The following MUC12 variants were observed in gnomAD, a reference collection of about 807,000 sequenced individuals.
MUC12 encodes the protein mucin 12, cell surface associated, also known as mucin-12.
A neutral mutation model predicts 230.8 loss-of-function variants in MUC12; 172 were observed. The ratio of observed to expected loss-of-function variants is 0.75; its 90% CI spans 0.66 to 0.85. The LOEUF (loss-of-function observed/expected upper bound fraction) is 0.85. MUC12 is among the 40% of genes least tolerant of loss of function. The pLI is 0.00. For missense variants in MUC12, 3,506 were observed against 5,920.6 expected (o/e 0.59, Z 13.38); for synonymous variants, 1,259 against 2,401.9 (o/e 0.52, Z 13.91).
At position 100,969,584 on chromosome 7, in the gene MUC12, TGA is replaced by T; in HGVS notation, c.-34_-33del. On this transcript the variant is annotated 5_prime_UTR_variant, in exon 1 of 12. Coordinates refer to ENST00000536621, the MANE Select transcript of MUC12 (RefSeq NM_001164462.2). ...GCCTTCATTTCTTGGTCCCTCCTGATGAGAGAAGATGGGCAGCCAGGGGCCCG... is the reference window on the plus strand; with the variant it reads ...GCCTTCATTTCTTGGTCCCTCCTGATGAGAAGATGGGCAGCCAGGGGCCCG... 6.5e-7 allele frequency: 1 copy of T among 1,536,290 alleles called. No homozygotes were observed. The highest frequency in any genetic ancestry group is 2.0e-5 in the Admixed American group (1 of 51,004).
chr7:101,015,572 C>T (rs1793903325), intron 9 of MUC12, 43 bp from the exon 10 acceptor site: 2 of 1,520,958 alleles, frequency 1.3e-6, no homozygotes, highest in Non-Finnish European at 1.8e-6. Context: ...AGTCCCTCCT[C>T]AGCCTCCTTG....
Position 101,004,636 on chromosome 7 carries a change from T to A in MUC12, c.14073T>A (p.Asp4691Glu). The A allele has an allele frequency of 8.5e-6, 13 of 1,537,218 alleles. No homozygotes were observed. The highest frequency in any genetic ancestry group is 1.1e-5 in the Non-Finnish European group (13 of 1,146,592). Residue 4691 changes from aspartate to glutamate, a missense_variant, in exon 2 of 12, where the codon GAT (aspartate) becomes GAA (glutamate). Physicochemically the swap from Asp to Glu is conservative, Grantham distance 45 (BLOSUM62 2). Coordinates refer to ENST00000536621, the MANE Select transcript of MUC12 (RefSeq NM_001164462.2). Reference sequence around the variant, plus strand: ...CAACAGCATCCCACAGCAGCCCAGATACAAATGGAATCACACCCTTACCTG... The same window carrying A: ...CAACAGCATCCCACAGCAGCCCAGAAACAAATGGAATCACACCCTTACCTG... ...EESTASHSSPDTNGITPLPAH... is the reference protein window; with the variant it reads ...EESTASHSSPETNGITPLPAH...
In MUC12 at chr7:101,013,913, G is replaced by A; in HGVS notation, c.15639G>A (p.Leu5213=). The A allele has an allele frequency of 1.3e-6, 2 of 1,533,870 alleles. No homozygotes were observed. Among genetic ancestry groups the A allele is most frequent in the Non-Finnish European group, 8.7e-7 (1 of 1,144,970 alleles). Residue 5213 remains leucine, a splice_region_variant and synonymous_variant, in exon 9 of 12, where the codon CTG becomes CTA. Coordinates refer to ENST00000536621, the MANE Select transcript of MUC12 (RefSeq NM_001164462.2). ...CQLQRSGPRC[L]CPNTNTHWYW... ...AGCGTGAGCTTGTCTGTGTCCCCAG[G>A]TGCCCAAATACGAACACACACTGGT... is the stretch of plus-strand genomic sequence containing the variant.
intron 1 of MUC12, among the ~76,000 whole-genome samples, chr7:100,980,392 T>C (rs1474017971): frequency 6.6e-6 from 1 of 152,152 alleles, no homozygotes; most frequent in African/African-American, 2.4e-5. Flanking sequence ...TGTTAACATT[T>C]TATTTCTATG....
Position 101,004,534 on chromosome 7 carries a change from C to G in MUC12, c.13971C>G (p.Ser4657Arg), listed in dbSNP as rs946509661. The G allele has an allele frequency of 2.9e-5, 45 of 1,535,596 alleles. No homozygotes were observed. The highest frequency in any genetic ancestry group is 3.8e-5 in the Non-Finnish European group (44 of 1,146,488). Reference protein sequence around the residue: ...TTSALVEEPTSYHSSPGSIAT... With the variant: ...TTSALVEEPTRYHSSPGSIAT... ...CTGCCCTTGTTGAAGAACCTACCAG[C>G]TACCACAGCAGCCCGGGCTCAATTG... The change falls in exon 2 of 12, where the codon AGC (serine) becomes AGG (arginine). Residue 4657 changes from serine (S) to arginine (R), a missense_variant. Transcript: ENST00000536621.
chr7:100,983,732 C>T (rs1793144631), intron 1 of MUC12, among the ~76,000 whole-genome samples: 1 of 152,130 alleles, frequency 6.6e-6, no homozygotes, highest in South Asian at 2.1e-4. Context: ...TGCCAGCTCT[C>T]CCCACCCCTG....
rs901331725 is a variant in MUC12, at chr7:101,012,884, T to A, written c.15469T>A (p.Phe5157Ile). ...VDSSVTPGFD[F>I]QEQCTQKAAE... ...TTCATCGGTGACTCCGGGCTTTGAC[T>A]TCCAGGGTAAGCGACTACGTGGAGC... The change falls in exon 7 of 12, where the codon TTC becomes ATC. Residue 5157 changes from phenylalanine (F) to isoleucine (I), a missense_variant. Transcript: ENST00000536621. 30 of 1,537,146 alleles carry A rather than the reference T, an allele frequency of 2.0e-5. No individual in the cohort carries two copies. Among genetic ancestry groups the A allele is most frequent in the Admixed American group, 5.9e-5 (3 of 50,980 alleles).
rs1793859431 is a variant in MUC12, at chr7:101,012,924, TG to T, written c.15475+39del. 3 of 1,536,884 alleles carry T rather than the reference TG, an allele frequency of 2.0e-6. No individual in the cohort carries two copies. In the East Asian group the frequency reaches 7.3e-5, roughly 38 times the overall value. On this transcript the variant is annotated intron_variant, in intron 7 of 11. Coordinates refer to ENST00000536621, the MANE Select transcript of MUC12 (RefSeq NM_001164462.2). ...CTACGTGGAGCGTGGGCACTAAGAG[TG>T]GGGGCTGGGATGCTTTGGCCAGGCT...
intron 1 of MUC12, among the ~76,000 whole-genome samples, chr7:100,987,996 A>G (rs887771611): frequency 1.4e-5 from 2 of 146,668 alleles, no homozygotes; most frequent in Non-Finnish European, 3.0e-5. Flanking sequence ...AAAGAAAAGA[A>G]AAAAAAGAAG....
In MUC12 at chr7:100,995,474, C is replaced by T. The variant is rs1584835121; in HGVS notation, c.4911C>T (p.Ser1637=). Residue 1637 remains serine, a synonymous_variant, in exon 2 of 12, where the codon AGC becomes AGT. Transcript: ENST00000536621. ...SLGPESTTFH[S]SPGSTETTLL... is the part of the protein sequence containing the mutation. ...GTCCAGAATCTACTACTTTCCACAGCAGCCCAGGCTCCACTGAAACAACAC... is the reference window on the plus strand; with the variant it reads ...GTCCAGAATCTACTACTTTCCACAGTAGCCCAGGCTCCACTGAAACAACAC... 4 of 1,532,722 alleles carry T rather than the reference C, an allele frequency of 2.6e-6. No homozygotes were observed. Among genetic ancestry groups the T allele is most frequent in the African/African-American group, 1.4e-5 (1 of 70,332 alleles). 94.9% of individuals were successfully genotyped at this position (1,532,722 alleles called of 1,614,324 possible).
rs1487467234 is a variant in MUC12, at chr7:100,991,339, C to T, written c.776C>T (p.Pro259Leu). 2.0e-6 allele frequency: 3 copies of T among 1,537,682 alleles called. No homozygotes were observed. Among genetic ancestry groups the T allele is most frequent in the Non-Finnish European group, 2.6e-6 (3 of 1,147,038 alleles). The change falls in exon 2 of 12, where the codon CCA (proline) becomes CTA (leucine). Residue 259 changes from proline to leucine, a missense_variant. Transcript: ENST00000536621. Reference sequence around the variant, plus strand: ...CCCGTCCACAGCAGCACTGGATCGCCACACACAACACTGTCCCCTTCCAGC... The same window carrying T: ...CCCGTCCACAGCAGCACTGGATCGCTACACACAACACTGTCCCCTTCCAGC... ...STPVHSSTGS[P>L]HTTLSPSSST...
At chr7:100,985,198 G>A (rs577773056) in intron 1 of MUC12, among the ~76,000 whole-genome samples, 111 of 152,248 alleles carry the variant, frequency 7.3e-4, no homozygotes, top group African/African-American at 2.1e-3. Flanking sequence ...TGGTGGGTTG[G>A]GGGAGCCAGT....
chr7:100,982,673 C>G (rs1793127149), intron 1 of MUC12, among the ~76,000 whole-genome samples: 1 of 152,050 alleles, frequency 6.6e-6, no homozygotes, highest in Admixed American at 6.6e-5. Context: ...AAGTAGTCCT[C>G]CCCCCTTGGC....
chr7:101,004,827 C>G lies in MUC12; in HGVS notation c.14264C>G (p.Ala4755Gly). The part of the protein sequence containing the change: ...SRSPDQTLSP[A>G]SMTSSSISGE... The stretch of plus-strand genomic sequence containing the variant: ...TCACCAGACCAAACACTCTCACCTG[C>G]CAGCATGACAAGCTCCAGCATCAGT... The change falls in exon 2 of 12, where the codon GCC (alanine) becomes GGC (glycine). Residue 4755 changes from alanine to glycine, a missense_variant. Transcript: ENST00000536621. The G allele has an allele frequency of 2.0e-6, 3 of 1,537,158 alleles. No individual in the cohort carries two copies. The highest frequency in any genetic ancestry group is 2.6e-6 in the Non-Finnish European group (3 of 1,146,492).
At chr7:101,016,083 C>T (rs543619373) in intron 10 of MUC12, among the ~76,000 whole-genome samples, 4 of 152,214 alleles carry the variant, frequency 2.6e-5, no homozygotes, top group Admixed American at 2.6e-4. Flanking sequence ...AGGTGTGCTT[C>T]CTCCTTCAAC....
chr7:101,015,695 C>T lies in MUC12; in HGVS notation c.15877+4C>T, dbSNP rs1026950043. On this transcript the variant is annotated splice_donor_region_variant and intron_variant, in intron 10 of 11. Transcript: ENST00000536621. ...CAGAAGACGGCCATCTGGGAAGGTA[C>T]CTCTAGTTAAGGGCAAGGAGATGAG... is the stretch of plus-strand genomic sequence containing the variant. 6.5e-6 allele frequency: 10 copies of T among 1,537,208 alleles called. No homozygotes were observed. The highest frequency in any genetic ancestry group is 8.7e-6 in the Non-Finnish European group (10 of 1,146,708).
chr7:100,992,045 C>A lies in MUC12; in HGVS notation c.1482C>A (p.Thr494=). The A allele has an allele frequency of 6.5e-7, 1 of 1,537,932 alleles. No individual in the cohort carries two copies. The highest frequency in any genetic ancestry group is 1.4e-5 in the African/African-American group (1 of 73,158). Residue 494 remains threonine, a synonymous_variant, in exon 2 of 12, where the codon ACC becomes ACA. Transcript: ENST00000536621. The part of the protein sequence containing the change: ...TTKPGLSEKS[T]TFYSSPRSPD... ...AACCAGGCCTCAGTGAGAAATCTAC[C>A]ACTTTCTACAGTAGCCCCAGATCAC...
chr7:101,013,752 T>C (rs975415172), intron 8 of MUC12, among the ~76,000 whole-genome samples, 161 bp from the exon 9 acceptor site: 2 of 152,166 alleles, frequency 1.3e-5, no homozygotes, highest in Admixed American at 1.3e-4. Flanking sequence ...TCAGTGCCCA[T>C]CAGCCTGAGG....
At chr7:101,014,658 A>G (rs1349292305) in intron 9 of MUC12, among the ~76,000 whole-genome samples, 2 of 152,056 alleles carry the variant, frequency 1.3e-5, no homozygotes, top group Non-Finnish European at 2.9e-5. Context: ...TTGTATTTTT[A>G]GTAGAAACGG....
Sources: allele counts gnomAD v4.1 joint callset (sites outside exome capture counted in the v4.1 genomes callset), GRCh38; gene constraint gnomAD v4.1.1; transcripts MANE v1.5; gene names NCBI Gene and HGNC (gene_info 2026-07-23, HGNC 2026-07-21).